UNC13C: variants seen among roughly 807,000 people sequenced by gnomAD.
UNC13C encodes unc-13 homolog C.
UNC13C carries 174 observed loss-of-function variants against 245.4 expected under a neutral mutation model. That is an observed-to-expected ratio of 0.71 (90% CI 0.63 to 0.80). UNC13C has a LOEUF of 0.80. UNC13C is among the 30% of genes least tolerant of loss of function. UNC13C has a pLI of 0.00. For synonymous variants in UNC13C, 992 were observed against 895.1 expected, an observed-to-expected ratio of 1.11 and a Z score of -1.93; for missense variants, 2,829 against 2,602.9, an observed-to-expected ratio of 1.09 and a Z score of -1.89.
the UNC13C span, among the ~76,000 whole-genome samples, chr15:53,944,982 T>C: frequency 6.6e-6 from 1 of 152,224 alleles, no homozygotes; most frequent in Admixed American, 6.5e-5. Context: ...TGTACCTCAC[T>C]GTGGTTTTAA....
At chr15:54,569,057 C>T (rs1897636686) in intron 30 of UNC13C, among the ~76,000 whole-genome samples, 1 of 152,184 alleles carries the variant, frequency 6.6e-6, no homozygotes, top group Admixed American at 6.5e-5. Flanking sequence ...AATGCATGCT[C>T]ATGCTCCCTC....
intron 8 of UNC13C, among the ~76,000 whole-genome samples, chr15:54,252,167 A>T (rs1200152614): frequency 6.6e-6 from 1 of 152,158 alleles, no homozygotes; most frequent in African/African-American, 2.4e-5. Context: ...TAGAAAACAC[A>T]CTGTCATCTA....
At chr15:54,218,919 C>T (rs935705613) in intron 4 of UNC13C, among the ~76,000 whole-genome samples, 1 of 151,998 alleles carries the variant, frequency 6.6e-6, no homozygotes, top group Non-Finnish European at 1.5e-5. Flanking sequence ...TCAAGGAGAA[C>T]TACAAACCAC....
At chr15:53,865,584 G>T in the UNC13C span, among the ~76,000 whole-genome samples, 22 of 152,240 alleles carry the variant, frequency 1.4e-4, no homozygotes, top group African/African-American at 4.8e-4. Context: ...GCTTATAGGT[G>T]TTGGGTGTTA....
chr15:54,167,260 T>G (rs556889239), intron 4 of UNC13C, among the ~76,000 whole-genome samples: 16 of 151,924 alleles, frequency 1.1e-4, no homozygotes, highest in Non-Finnish European at 1.6e-4. Context: ...CCCAGCACGT[T>G]GGGAGGCCGA....
At chr15:54,597,313 G>A (rs1222807114) in intron 30 of UNC13C, among the ~76,000 whole-genome samples, 2 of 152,316 alleles carry the variant, frequency 1.3e-5, no homozygotes, top group East Asian at 3.9e-4. Context: ...TAAGAGCCAA[G>A]GGCAATAGCA....
chr15:54,199,033 G>T (rs1177928502), intron 4 of UNC13C, among the ~76,000 whole-genome samples: 1 of 151,824 alleles, frequency 6.6e-6, no homozygotes, highest in Non-Finnish European at 1.5e-5. Context: ...CACACTCAGA[G>T]GAATGCAAAA....
chr15:54,224,972 T>A (rs1245414605), intron 4 of UNC13C, among the ~76,000 whole-genome samples: 2 of 152,022 alleles, frequency 1.3e-5, no homozygotes, highest in African/African-American at 4.8e-5. Flanking sequence ...CCTTTGAATA[T>A]CTGTAGTATT....
chr15:53,917,000 T>C, the UNC13C span, among the ~76,000 whole-genome samples: 1 of 152,226 alleles, frequency 6.6e-6, no homozygotes, highest in Non-Finnish European at 1.5e-5. Context: ...AAGAATCAGA[T>C]GACCAGACTA....
At chr15:54,404,759 A>C (rs529974631) in intron 18 of UNC13C, among the ~76,000 whole-genome samples, 47 of 152,286 alleles carry the variant, frequency 3.1e-4, no homozygotes, top group African/African-American at 1.1e-3. Context: ...TGGAAAGGTA[A>C]ACCTCTTTCA....
intron 14 of UNC13C, among the ~76,000 whole-genome samples, chr15:54,328,407 C>T (rs1466357610): frequency 6.6e-6 from 1 of 151,950 alleles, no homozygotes; most frequent in African/African-American, 2.4e-5. Context: ...TTACAATTTG[C>T]TTGTCGTGTT....
At chr15:54,559,076 G>A (rs1391843519) in intron 29 of UNC13C, among the ~76,000 whole-genome samples, 1 of 151,914 alleles carries the variant, frequency 6.6e-6, no homozygotes, top group Non-Finnish European at 1.5e-5. Flanking sequence ...ATTATATGTT[G>A]CAAATATATT....
chr15:53,937,273 G>GA, the UNC13C span, among the ~76,000 whole-genome samples: 52,838 of 151,948 alleles, frequency 0.35, 9,242 homozygotes, highest in East Asian at 0.44. Flanking sequence ...CCATGCAGAG[G>GA]AAAGAATATC....
At position 54,013,286 on chromosome 15, in the gene UNC13C, C is replaced by T; in HGVS notation, c.383C>T (p.Ser128Leu). Reference sequence around the variant, plus strand: ...CTCTCTTCAATCGAGAGTTCCTACTCAGAATCATTAAATGAACTAAGGAGT... The same window carrying T: ...CTCTCTTCAATCGAGAGTTCCTACTTAGAATCATTAAATGAACTAAGGAGT... ...QELSSIESSY[S>L]ESLNELRSST... is the part of the protein sequence containing the mutation. Residue 128 changes from serine to leucine, a missense_variant, in exon 2 of 33, where the codon TCA becomes TTA. Ser to Leu is a moderately radical substitution (Grantham distance 145). Coordinates refer to ENST00000260323, the MANE Select transcript of UNC13C (RefSeq NM_001080534.3). 4.3e-6 allele frequency: 7 copies of T among 1,613,792 alleles called. No individual in the cohort carries two copies. Among genetic ancestry groups the T allele is most frequent in the Non-Finnish European group, 5.9e-6 (7 of 1,179,834 alleles).
intron 19 of UNC13C, among the ~76,000 whole-genome samples, chr15:54,485,574 C>T (rs144385253): frequency 8.5e-5 from 13 of 152,180 alleles, no homozygotes; most frequent in African/African-American, 7.2e-5. Flanking sequence ...AGATAGCAAC[C>T]GAAGTCATGT....
intron 24 of UNC13C, among the ~76,000 whole-genome samples, chr15:54,516,308 GTTC>G (rs1467935331): frequency 1.3e-5 from 2 of 152,164 alleles, no homozygotes; most frequent in East Asian, 3.9e-4. Context: ...CATGCCAGTA[GTTC>G]TTCTTGAACT....
intron 24 of UNC13C, among the ~76,000 whole-genome samples, chr15:54,513,679 C>T (rs1894850261): frequency 6.6e-6 from 1 of 152,262 alleles, no homozygotes; most frequent in South Asian, 2.1e-4. Flanking sequence ...TCCTTTAAAA[C>T]TCTTGCAATG....
At chr15:54,224,372 A>T (rs1422000633) in intron 4 of UNC13C, among the ~76,000 whole-genome samples, 1 of 152,036 alleles carries the variant, frequency 6.6e-6, no homozygotes. Flanking sequence ...TGCTTTTTCG[A>T]TATCAGTTGA....
chr15:54,120,419 AAAAG>A, intron 2 of UNC13C, among the ~76,000 whole-genome samples: 1 of 152,274 alleles, frequency 6.6e-6, no homozygotes, highest in Middle Eastern at 3.4e-3. Context: ...GCTCAGAAGA[AAAAG>A]AAAGATTGCT....
Sources: allele counts gnomAD v4.1 joint callset (sites outside exome capture counted in the v4.1 genomes callset), GRCh38; gene constraint gnomAD v4.1.1; transcripts MANE v1.5; gene names NCBI Gene and HGNC (gene_info 2026-07-23, HGNC 2026-07-21).